Variants in ERCC2 observed in about 807,000 individuals in gnomAD.
ERCC2 encodes ERCC excision repair 2, TFIIH core complex helicase subunit, also known as general transcription and DNA repair factor IIH helicase subunit XPD.
In ERCC2, 90 loss-of-function variants were observed where a neutral mutation model predicts 99.4. The ratio of observed to expected loss-of-function variants is 0.91; its 90% CI spans 0.76 to 1.08. ERCC2 has a LOEUF of 1.08. ERCC2 is among the 50% of genes least tolerant of loss of function. The pLI is 0.00. For synonymous variants in ERCC2, 497 were observed against 432.4 expected, an observed-to-expected ratio of 1.15 and a Z score of -1.85; for missense variants, 993 against 1,038.1, an observed-to-expected ratio of 0.96 and a Z score of 0.60.
Position 45,350,275 on chromosome 19 carries a change from G to T in ERCC2, c.*1354C>A. ...CTGTCTCTACAAAAAAAAAAAAAAA[G>T]GCGGGACTGGATGCAGTGTTGGGAA... is the stretch of plus-strand genomic sequence containing the variant. On this transcript the variant is annotated 3_prime_UTR_variant, in exon 23 of 23. Coordinates refer to ENST00000391945, the MANE Select transcript of ERCC2 (RefSeq NM_000400.4). 1.7e-6 allele frequency: 2 copies of T among 1,164,428 alleles called. No individual in the cohort carries two copies. The highest frequency in any genetic ancestry group is 1.2e-6 in the Non-Finnish European group (1 of 818,394). 72.1% of individuals were successfully genotyped at this position (1,164,428 alleles called of 1,614,324 possible). A position where few individuals can be genotyped will look rare whatever the true frequency, so the allele number is the denominator to read the frequency against.
chr19:45,352,126 TG>T, intron 22 of ERCC2, 82 bp downstream of exon 22: 1 of 1,451,058 alleles, frequency 6.9e-7, no homozygotes, highest in Non-Finnish European at 9.5e-7. Flanking sequence ...AGGCTGAGGG[TG>T]GGGAGTGGGG....
rs910536411 is a variant in ERCC2 at position 45,350,004 on chromosome 19, A to T, written c.*1625T>A. The T allele has an allele frequency of 4.5e-6, 2 of 441,824 alleles. No homozygotes were observed. Among genetic ancestry groups the T allele is most frequent in the African/African-American group, 3.9e-5 (2 of 50,834 alleles). 27.4% of individuals were successfully genotyped at this position (441,824 alleles called of 1,614,324 possible). ...ATGCCACCAGCCCAAAGTACAGCAG[A>T]CAGGCTCAGAAACAGGAGGCTGCCT... On this transcript the variant is annotated 3_prime_UTR_variant, in exon 23 of 23. Transcript: ENST00000391945.
At chr19:45,366,405 G>C (rs1306254513) in intron 5 of ERCC2, among the ~76,000 whole-genome samples, 1 of 152,132 alleles carries the variant, frequency 6.6e-6, no homozygotes, top group Non-Finnish European at 1.5e-5. Flanking sequence ...GCCTCCCAAA[G>C]TGCTGGGATT....
chr19:45,361,959 T>C lies in ERCC2; in HGVS notation c.1119-317A>G, dbSNP rs238403. The C allele has an allele frequency of 0.59, 208,302 of 350,540 alleles. 64,626 individuals carry two copies. The highest frequency in any genetic ancestry group is 0.89 in the African/African-American group (41,716 of 47,072). 21.7% of individuals were successfully genotyped at this position (350,540 alleles called of 1,614,324 possible). On this transcript the variant is annotated intron_variant, in intron 11 of 22. Coordinates refer to ENST00000391945, the MANE Select transcript of ERCC2 (RefSeq NM_000400.4). ...TTTTTCTTTTTTTTCTTTGTTCAGATGGAGTCTTGCCCTGTCATCCAGGCT... is the reference window on the plus strand; with the variant it reads ...TTTTTCTTTTTTTTCTTTGTTCAGACGGAGTCTTGCCCTGTCATCCAGGCT...
At chr19:45,352,171 A>T in intron 22 of ERCC2, 38 bp downstream of exon 22, 1 of 1,610,198 alleles carries the variant, frequency 6.2e-7, no homozygotes, top group Non-Finnish European at 8.5e-7. Context: ...GGAGAAGCTC[A>T]GCCTGGGAGG....
chr19:45,366,614 C>G (rs1242204890), intron 5 of ERCC2, among the ~76,000 whole-genome samples: 2 of 152,206 alleles, frequency 1.3e-5, no homozygotes, highest in African/African-American at 4.8e-5. Flanking sequence ...TCTGTACCCT[C>G]TAAGGCACCA....
In ERCC2 at chr19:45,350,864, A is replaced by T; in HGVS notation, c.*765T>A. 2.0e-6 allele frequency: 3 copies of T among 1,479,328 alleles called. No homozygotes were observed. The highest frequency in any genetic ancestry group is 2.8e-6 in the Non-Finnish European group (3 of 1,066,086). The allele number at this position is 1,479,328 out of a possible 1,614,324, so 91.6% of individuals were successfully genotyped here. On this transcript the variant is annotated 3_prime_UTR_variant, in exon 23 of 23. Coordinates refer to ENST00000391945, the MANE Select transcript of ERCC2 (RefSeq NM_000400.4). Reference sequence around the variant, plus strand: ...ATGGCTCCCATCTCCCCTGTGATACACACAGATCAAACCCTGTGCTGGAAA... The same window carrying T: ...ATGGCTCCCATCTCCCCTGTGATACTCACAGATCAAACCCTGTGCTGGAAA...
intron 17 of ERCC2, 83 bp downstream of exon 17, chr19:45,354,647 G>T: frequency 6.4e-7 from 1 of 1,557,348 alleles, no homozygotes; most frequent in South Asian, 1.1e-5. Flanking sequence ...CACCATCAGA[G>T]TGTGAGAGGA....
At chr19:45,367,358 T>A (rs1424603772) in intron 5 of ERCC2, among the ~76,000 whole-genome samples, 2 of 84,902 alleles carry the variant, frequency 2.4e-5, no homozygotes, top group African/African-American at 8.2e-5. Context: ...AACAAAAATA[T>A]ATATATATAT....
intron 5 of ERCC2, among the ~76,000 whole-genome samples, chr19:45,367,355 AT>A: frequency 8.2e-6 from 1 of 121,282 alleles, no homozygotes; most frequent in Non-Finnish European, 1.7e-5. Flanking sequence ...CAAAACAAAA[AT>A]ATATATATAT....
rs780972785 is a variant in ERCC2 at position 45,351,347 on chromosome 19, G to A, written c.*282C>T. The A allele has an allele frequency of 2.5e-6, 4 of 1,611,326 alleles. No homozygotes were observed. The highest frequency in any genetic ancestry group is 2.2e-5 in the South Asian group (2 of 91,066). ...CTCAGCGCCAGCACCCAGGACCTGA[G>A]CCCCCACTAACGTCCAGTGAACTGC... is the stretch of plus-strand genomic sequence containing the variant. On this transcript the variant is annotated 3_prime_UTR_variant, in exon 23 of 23. Coordinates refer to ENST00000391945, the MANE Select transcript of ERCC2 (RefSeq NM_000400.4).
chr19:45,366,303 C>G (rs1386039649), intron 5 of ERCC2, among the ~76,000 whole-genome samples: 2 of 151,974 alleles, frequency 1.3e-5, no homozygotes, highest in African/African-American at 4.8e-5. Flanking sequence ...CCACCACACC[C>G]GGCTAATTTT....
Position 45,350,566 on chromosome 19 carries a change from TGCTTCGGCTCCTGGGGTGG to T in ERCC2, c.*1044_*1062del. On this transcript the variant is annotated 3_prime_UTR_variant, in exon 23 of 23. Transcript: ENST00000391945. ...ACGCAGAACAGGTGAGGATGGGCTG[TGCTTCGGCTCCTGGGGTGG>T]GCGTGGGGACTGCATGGGCCTGGGG... 2 of 1,613,918 alleles carry T rather than the reference TGCTTCGGCTCCTGGGGTGG, an allele frequency of 1.2e-6. No homozygotes were observed. The highest frequency in any genetic ancestry group is 1.7e-6 in the Non-Finnish European group (2 of 1,179,950).
In ERCC2 at chr19:45,361,593, C is replaced by T. The variant is rs369191500; in HGVS notation, c.1168G>A (p.Asp390Asn). The T allele has an allele frequency of 6.8e-6, 11 of 1,614,014 alleles. No homozygotes were observed. Among genetic ancestry groups the T allele is most frequent in the African/African-American group, 4.0e-5 (3 of 75,040 alleles). ...RSLLHTLEIT[D>N]LADFSPLTLL... ...GTGAGCGGGGAGAAGTCAGCAAGGT[C>T]GGTGATCTCCAGAGTATGCAGCAGG... The change falls in exon 12 of 23, where the codon GAC (aspartate) becomes AAC (asparagine). Residue 390 changes from aspartate to asparagine, a missense_variant. This residue lies in a region of ERCC2 where 909 missense variants were observed against 930.8 expected (regional missense o/e 0.98). Transcript: ENST00000391945.
chr19:45,352,247 T>C lies in ERCC2; in HGVS notation c.2152A>G (p.Lys718Glu). 6.2e-7 allele frequency: 1 copy of C among 1,614,058 alleles called. No individual in the cohort carries two copies. Among genetic ancestry groups the C allele is most frequent in the Non-Finnish European group, 8.5e-7 (1 of 1,180,004 alleles). ...TGTGCCATCTGCCGCAGGAAGTACT[T>C]GGCCACCTGGACACCCTCGTCCACG... ...LTVDEGVQVA[K>E]YFLRQMAQPF... The change falls in exon 22 of 23, where the codon AAG becomes GAG. Residue 718 changes from lysine to glutamate, a missense_variant. By Grantham distance (56) the Lys-to-Glu change is moderately conservative (BLOSUM62 1). Around this residue, in one of 3 missense-constraint regions of ERCC2, gnomAD observed 909 missense variants for 930.8 expected, o/e 0.98. Coordinates refer to ENST00000391945, the MANE Select transcript of ERCC2 (RefSeq NM_000400.4).
chr19:45,369,599 C>T (rs1304918998), intron 2 of ERCC2, among the ~76,000 whole-genome samples: 1 of 152,156 alleles, frequency 6.6e-6, no homozygotes, highest in Non-Finnish European at 1.5e-5. Context: ...ATAATAAAAC[C>T]TTCCTCATAA....
Position 45,352,773 on chromosome 19 carries a change from G to C in ERCC2, c.1875C>G (p.Tyr625Ter). The change falls in exon 20 of 23, where the codon TAC becomes TAG. Residue 625 changes from tyrosine to a stop codon, truncating the protein, a stop_gained. Coordinates refer to ENST00000391945, the MANE Select transcript of ERCC2 (RefSeq NM_000400.4). LOFTEE classifies it high-confidence loss of function. ...GRAVIMFGVP[Y>*]VYTQSRILKA... ...TGAGAATGCGGCTCTGTGTGTAGAC[G>C]TAGGGGACGCCAAACATGATGACGG... is the stretch of plus-strand genomic sequence containing the variant. 1 of 1,607,894 alleles carries C rather than the reference G, an allele frequency of 6.2e-7. No individual in the cohort carries two copies. Among genetic ancestry groups the C allele is most frequent in the African/African-American group, 1.4e-5 (1 of 73,120 alleles).
chr19:45,358,342 C>T (rs964025245), intron 12 of ERCC2: 3 of 194,794 alleles, frequency 1.5e-5, no homozygotes, highest in African/African-American at 4.7e-5. Context: ...TCTACCTAAG[C>T]CATCAGCAAA....
chr19:45,369,606 A>G (rs1972537764), intron 2 of ERCC2, among the ~76,000 whole-genome samples: 3 of 152,324 alleles, frequency 2.0e-5, no homozygotes, highest in South Asian at 4.1e-4. Flanking sequence ...AACCTTCCTC[A>G]TAACATGACT....
Sources: allele counts gnomAD v4.1 joint callset (sites outside exome capture counted in the v4.1 genomes callset), GRCh38; gene constraint gnomAD v4.1.1; regional missense constraint gnomAD v4.1.1; transcripts MANE v1.5; gene names NCBI Gene and HGNC (gene_info 2026-07-23, HGNC 2026-07-21).